Variants in HSPA4L observed in about 807,000 individuals in gnomAD.
HSPA4L encodes heat shock protein family A (Hsp70) member 4 like.
In HSPA4L, 48 loss-of-function variants were observed where a neutral mutation model predicts 100.3. That is an observed-to-expected ratio of 0.48 (90% CI 0.38 to 0.61). The LOEUF (loss-of-function observed/expected upper bound fraction) is 0.61. Among genes scored for constraint, HSPA4L ranks in the 20% least tolerant of loss-of-function variants. HSPA4L has a pLI of 0.00. For synonymous variants in HSPA4L, 319 were observed against 328.2 expected, an observed-to-expected ratio of 0.97 and a Z score of 0.30; for missense variants, 886 against 988.6, an observed-to-expected ratio of 0.90 and a Z score of 1.39.
At chr4:127,787,266 G>A in intron 1 of HSPA4L, among the ~76,000 whole-genome samples, 1 of 152,168 alleles carries the variant, frequency 6.6e-6, no homozygotes. Context: ...GTTAACTGTG[G>A]CTATAATAGA....
Position 127,826,399 on chromosome 4 carries a change from TG to T in HSPA4L, c.2047-904del, listed in dbSNP as rs769027644. 1.1e-3 allele frequency among the ~76,000 whole-genome samples: 171 copies of T among 151,750 alleles called. No homozygotes were observed. The South Asian group carries it at 0.013, about 12-fold the overall frequency. On this transcript the variant is annotated intron_variant, in intron 16 of 18. Transcript: ENST00000296464. ...GTGACAGAGCAAGACCCTGTCCCAATGGAAAAAAAAAATGCAGTACTTGCTT... is the reference window on the plus strand; with the variant it reads ...GTGACAGAGCAAGACCCTGTCCCAATGAAAAAAAAAATGCAGTACTTGCTT...
At chr4:127,782,239 G>T (rs1490693893), upstream of HSPA4L, 10 of 399,712 alleles carry the variant, frequency 2.5e-5, no homozygotes, top group Non-Finnish European at 4.2e-5. Flanking sequence ...CTCGGGCGCG[G>T]AGCGGAGGCT....
At chr4:127,802,120 A>C (rs961548485) in intron 6 of HSPA4L, among the ~76,000 whole-genome samples, 2 of 152,198 alleles carry the variant, frequency 1.3e-5, no homozygotes, top group African/African-American at 4.8e-5. Context: ...AAATGAGTTA[A>C]TGTGTACAAA....
In HSPA4L at chr4:127,803,676, T is replaced by A. The variant is rs1276774511; in HGVS notation, c.711T>A (p.Asp237Glu). 1.9e-6 allele frequency: 3 copies of A among 1,612,794 alleles called. No homozygotes were observed. In the African/African-American group the frequency reaches 4.0e-5, roughly 22 times the overall value. Residue 237 changes from aspartate (D) to glutamate (E), a missense_variant, in exon 7 of 19, where the codon GAT (aspartate) becomes GAA (glutamate). Coordinates refer to ENST00000296464, the MANE Select transcript of HSPA4L (RefSeq NM_014278.4). Reference protein sequence around the residue: ...FDPYLGGRNFDEALVDYFCDE... With the variant: ...FDPYLGGRNFEEALVDYFCDE... ...CATATTTGGGTGGCAGGAACTTTGA[T>A]GAGGCTTTAGTAGACTACTTCTGTG... is the stretch of plus-strand genomic sequence containing the variant.
chr4:127,825,678 G>A (rs866489338), intron 16 of HSPA4L, among the ~76,000 whole-genome samples: 51 of 152,086 alleles, frequency 3.4e-4, no homozygotes, highest in Middle Eastern at 6.8e-3. Flanking sequence ...AATCCCAGTG[G>A]CCCAAAGTGG....
In HSPA4L at chr4:127,798,577, T is replaced by G. The variant is rs1473453512; in HGVS notation, c.307-10T>G. The G allele has an allele frequency of 6.2e-7, 1 of 1,612,308 alleles. No individual in the cohort carries two copies. Among genetic ancestry groups the G allele is most frequent in the East Asian group, 2.2e-5 (1 of 44,778 alleles). ...TGACTCTTAATAAATATCCCAACTT[T>G]TGGTGTTAGGTGCGGTACTTAGAGG... On this transcript the variant is annotated splice_polypyrimidine_tract_variant and intron_variant, in intron 3 of 18. Coordinates refer to ENST00000296464, the MANE Select transcript of HSPA4L (RefSeq NM_014278.4).
rs1302012319 is a variant in HSPA4L, at chr4:127,835,363, T to C, written c.*2489T>C. ...GTGATTATAAAAAACAATTGTTAAA[T>C]AATATAATGGAAGTTTGTGATAATT... is the stretch of plus-strand genomic sequence containing the variant. On this transcript the variant is annotated 3_prime_UTR_variant, in exon 19 of 19. Coordinates refer to ENST00000296464, the MANE Select transcript of HSPA4L (RefSeq NM_014278.4). 6.6e-6 allele frequency: 1 copy of C among 152,156 alleles called. No homozygotes were observed. The highest frequency in any genetic ancestry group is 1.5e-5 in the Non-Finnish European group (1 of 68,018). The allele number at this position is 152,156 out of a possible 1,614,324, so 9.4% of individuals were successfully genotyped here.
In HSPA4L at chr4:127,838,823, A is replaced by T. The variant is rs1560676874; in HGVS notation, c.*5949A>T. 1 of 152,192 alleles carries T rather than the reference A, an allele frequency of 6.6e-6. No homozygotes were observed. Among genetic ancestry groups the T allele is most frequent in the Non-Finnish European group, 1.5e-5 (1 of 68,030 alleles). The allele number at this position is 152,192 out of a possible 1,614,324, so 9.4% of individuals were successfully genotyped here. Reference sequence around the variant, plus strand: ...TTTTTGTTCATGGCTCTTTAAAAATAGTTTTACTGATAATCCAATCACTTG... The same window carrying T: ...TTTTTGTTCATGGCTCTTTAAAAATTGTTTTACTGATAATCCAATCACTTG... On this transcript the variant is annotated 3_prime_UTR_variant, in exon 19 of 19. Transcript: ENST00000296464.
intron 10 of HSPA4L, among the ~76,000 whole-genome samples, chr4:127,806,305 T>G (rs949131366): frequency 6.6e-6 from 1 of 152,010 alleles, no homozygotes; most frequent in African/African-American, 2.4e-5. Context: ...AATACAGTAT[T>G]AAGTCATATT....
chr4:127,794,697 C>A (rs1008439874), intron 2 of HSPA4L, among the ~76,000 whole-genome samples: 2 of 152,028 alleles, frequency 1.3e-5, no homozygotes, highest in East Asian at 3.8e-4. Flanking sequence ...TTATTTCTTG[C>A]ATTTTATATA....
intron 1 of HSPA4L, 97 bp downstream of exon 1, chr4:127,782,754 C>T (rs1238223143): frequency 2.2e-6 from 2 of 925,734 alleles, no homozygotes; most frequent in Non-Finnish European, 3.2e-6. Context: ...CGGATTTTCC[C>T]CTAACGTGCG....
rs1734057054 is a variant in HSPA4L, at chr4:127,830,659, G to GA, written c.2189dup (p.Asp730GlufsTer4). ...ATAGGATGAAAGATATGATCATCTG[G>GA]ATCCTACTGAAATGGAAAAGGTTGA... On this transcript the variant is annotated frameshift_variant, in exon 18 of 19. Coordinates refer to ENST00000296464, the MANE Select transcript of HSPA4L (RefSeq NM_014278.4). LOFTEE classifies it high-confidence loss of function. 1.3e-6 allele frequency: 2 copies of GA among 1,596,978 alleles called. No individual in the cohort carries two copies. Among genetic ancestry groups the GA allele is most frequent in the South Asian group, 2.3e-5 (2 of 87,108 alleles).
intron 6 of HSPA4L, among the ~76,000 whole-genome samples, chr4:127,803,261 T>C (rs563687662): frequency 1.3e-5 from 2 of 152,280 alleles, no homozygotes; most frequent in South Asian, 4.1e-4. Flanking sequence ...TTTGCTCATG[T>C]TTATATGCTT....
At position 127,823,504 on chromosome 4, in the gene HSPA4L, A is replaced by G. The variant is rs1324935014; in HGVS notation, c.1939-13A>G. 1.3e-6 allele frequency: 2 copies of G among 1,562,718 alleles called. No homozygotes were observed. The highest frequency in any genetic ancestry group is 2.7e-5 in the African/African-American group (2 of 73,882). On this transcript the variant is annotated splice_polypyrimidine_tract_variant and intron_variant, in intron 15 of 18. Transcript: ENST00000296464. ...AAGTATTTTTAATTAGTGTCTCTCA[A>G]ATATATTACTAGGACTTGAGTAAAC...
At chr4:127,806,809 G>A (rs765318708) in intron 10 of HSPA4L, among the ~76,000 whole-genome samples, 1 of 151,638 alleles carries the variant, frequency 6.6e-6, no homozygotes, top group Non-Finnish European at 1.5e-5. Flanking sequence ...TCTGTGTTCT[G>A]TACATAAGTA....
chr4:127,795,692 G>T, intron 2 of HSPA4L, 76 bp from the exon 3 acceptor site: 1 of 1,412,706 alleles, frequency 7.1e-7, no homozygotes, highest in Non-Finnish European at 9.8e-7. Context: ...GAACTTGGTG[G>T]TTGTCAAGTA....
chr4:127,801,870 T>G lies in HSPA4L; in HGVS notation c.615T>G (p.His205Gln), dbSNP rs1225891104. ...ATGTAGTATTTATTGATATGGGACA[T>G]TCTGCCTATCAGGTCTTGGTTTGTG... ...PRNVVFIDMG[H>Q]SAYQVLVCAF... The change falls in exon 6 of 19, where the codon CAT (histidine) becomes CAG (glutamine). Residue 205 changes from histidine (H) to glutamine (Q), a missense_variant. Physicochemically the swap from His to Gln is conservative, Grantham distance 24. Coordinates refer to ENST00000296464, the MANE Select transcript of HSPA4L (RefSeq NM_014278.4). 1 of 1,610,248 alleles carries G rather than the reference T, an allele frequency of 6.2e-7. No individual in the cohort carries two copies. The highest frequency in any genetic ancestry group is 2.2e-5 in the East Asian group (1 of 44,810).
chr4:127,791,371 A>T (rs576633690), intron 1 of HSPA4L, among the ~76,000 whole-genome samples: 1 of 152,334 alleles, frequency 6.6e-6, no homozygotes, highest in South Asian at 2.1e-4. Flanking sequence ...TGAGCTAGAA[A>T]AAAGGTCCAT....
At chr4:127,801,702 T>TAA (rs1733187703) in intron 5 of HSPA4L, 83 bp from the exon 6 acceptor site, 4 of 1,127,398 alleles carry the variant, frequency 3.5e-6, no homozygotes. Flanking sequence ...TACTGCATAT[T>TAA]AAAGTACAGT....
Sources: allele counts gnomAD v4.1 joint callset (sites outside exome capture counted in the v4.1 genomes callset), GRCh38; gene constraint gnomAD v4.1.1; transcripts MANE v1.5; gene names NCBI Gene and HGNC (gene_info 2026-07-23, HGNC 2026-07-21).